Variants in CYFIP1 observed in about 807,000 individuals in gnomAD.
CYFIP1 encodes cytoplasmic FMR1-interacting protein 1.
A neutral mutation model predicts 163.5 loss-of-function variants in CYFIP1; 58 were observed. That is an observed-to-expected ratio of 0.35 (90% confidence interval 0.29 to 0.44). The LOEUF is 0.44. CYFIP1 is among the 20% of genes least tolerant of loss of function. CYFIP1 has a pLI of 1.00. For synonymous variants in CYFIP1, 663 were observed against 660.7 expected (o/e 1.00, Z -0.05); for missense variants, 1,338 against 1,653.8 (o/e 0.81, Z 3.31).
At position 22,917,339 on chromosome 15, in the gene CYFIP1, G is replaced by T; in HGVS notation, c.1674+449C>A. ...GTGTGAAAGTCGTGAGAAGCACCTC[G>T]GGGAGGCCTGAACACACCAGGAGAG... On this transcript the variant is annotated intron_variant, in intron 15 of 30. Transcript: ENST00000617928. The surrounding 1 kb of genome is among the most constrained non-coding windows in gnomAD (Gnocchi z 4.2). 1 of 1,284,398 alleles carries T rather than the reference G, an allele frequency of 7.8e-7. No homozygotes were observed. Among genetic ancestry groups the T allele is most frequent in the Non-Finnish European group, 9.9e-7 (1 of 1,012,040 alleles). 79.6% of individuals were successfully genotyped at this position (1,284,398 alleles called of 1,614,324 possible).
intron 4 of CYFIP1, 35 bp downstream of exon 4, chr15:22,944,827 G>T (rs746470594): frequency 6.2e-7 from 1 of 1,604,750 alleles, no homozygotes; most frequent in Non-Finnish European, 8.5e-7. Flanking sequence ...CTGGCAGGGT[G>T]TGGCTGGAGG....
chr15:22,967,141 G>T (rs1306590248), intron 1 of CYFIP1, among the ~76,000 whole-genome samples: 2 of 152,150 alleles, frequency 1.3e-5, no homozygotes, highest in African/African-American at 4.8e-5. Context: ...CTCTAGCATC[G>T]GTTGGGACAC....
chr15:22,882,732 T>C lies in CYFIP1; in HGVS notation c.2820+136A>G. 5.2e-6 allele frequency: 5 copies of C among 965,426 alleles called. 1 individual carries two copies. The South Asian group carries it at 6.5e-5, about 13-fold the overall frequency. The allele number at this position is 965,426 out of a possible 1,614,324, so 59.8% of individuals were successfully genotyped here. A position where few individuals can be genotyped will look rare whatever the true frequency, so the allele number is the denominator to read the frequency against. The stretch of plus-strand genomic sequence containing the variant: ...GATGAGGGAAGTATCAAACTATATA[T>C]GGTCAGAAATGTTTGAAGCCTAATT... On this transcript the variant is annotated intron_variant, in intron 24 of 30. Transcript: ENST00000617928.
intron 20 of CYFIP1, among the ~76,000 whole-genome samples, chr15:22,910,180 G>A (rs1486683857): frequency 1.3e-5 from 2 of 150,892 alleles, no homozygotes; most frequent in African/African-American, 2.4e-5. Context: ...TTTTTGAGAC[G>A]GAGTCTTGCT....
At position 22,944,667 on chromosome 15, in the gene CYFIP1, T is replaced by C; in HGVS notation, c.286-8A>G. On this transcript the variant is annotated splice_polypyrimidine_tract_variant and splice_region_variant and intron_variant, in intron 4 of 30. Coordinates refer to ENST00000617928, the MANE Select transcript of CYFIP1 (RefSeq NM_014608.6). ...CTGCTCGTTACATTTCACCTGGGAATAAAGGAACAAGGATGACATAAGAGG... is the reference window on the plus strand; with the variant it reads ...CTGCTCGTTACATTTCACCTGGGAACAAAGGAACAAGGATGACATAAGAGG... 3.1e-6 allele frequency: 5 copies of C among 1,610,748 alleles called. No individual in the cohort carries two copies. The highest frequency in any genetic ancestry group is 4.2e-6 in the Non-Finnish European group (5 of 1,176,896).
intron 26 of CYFIP1, among the ~76,000 whole-genome samples, chr15:22,876,241 A>G (rs1383379022): frequency 6.6e-6 from 1 of 152,078 alleles, no homozygotes; most frequent in Non-Finnish European, 1.5e-5. Flanking sequence ...TGGCAAAACT[A>G]AGACCAAGAG....
chr15:22,937,119 G>T lies in CYFIP1; in HGVS notation c.885C>A (p.Ile295=), dbSNP rs751040261. Residue 295 remains isoleucine, a synonymous_variant, in exon 9 of 31, where the codon ATC becomes ATA. Coordinates refer to ENST00000617928, the MANE Select transcript of CYFIP1 (RefSeq NM_014608.6). ...DAKKRINLSK[I]DKYFKQLQVV... ...TGTAACTCACCTTGAAGTACTTGTC[G>T]ATTTTGGATAAGTTTATTCTTTTCT... The T allele has an allele frequency of 1.9e-6, 3 of 1,605,984 alleles. No homozygotes were observed. The highest frequency in any genetic ancestry group is 2.6e-6 in the Non-Finnish European group (3 of 1,172,722).
At chr15:22,975,572 C>A (rs1209565522) in intron 1 of CYFIP1, among the ~76,000 whole-genome samples, 1 of 151,880 alleles carries the variant, frequency 6.6e-6, no homozygotes, top group Non-Finnish European at 1.5e-5. Context: ...ATCAGCCTGA[C>A]CAACACAGTG....
intron 18 of CYFIP1, among the ~76,000 whole-genome samples, chr15:22,911,321 T>C (rs765516535): frequency 3.9e-5 from 6 of 152,102 alleles, no homozygotes; most frequent in Non-Finnish European, 7.3e-5. Flanking sequence ...GAGAAAAATA[T>C]TCCTATTCTC....
chr15:22,946,078 G>A lies in CYFIP1; in HGVS notation c.207+925C>T, dbSNP rs900224122. On this transcript the variant is annotated intron_variant, in intron 3 of 30. Coordinates refer to ENST00000617928, the MANE Select transcript of CYFIP1 (RefSeq NM_014608.6). ...CAGTACTTTGGGAGGCTGGGCAGGCGGATTCCTTGAGTCCAGGAATTCAAG... is the reference window on the plus strand; with the variant it reads ...CAGTACTTTGGGAGGCTGGGCAGGCAGATTCCTTGAGTCCAGGAATTCAAG... Among the ~76,000 whole-genome samples, 6 of 151,790 alleles carry A rather than the reference G, an allele frequency of 4.0e-5. No homozygotes were observed. In the South Asian group the frequency reaches 6.2e-4, roughly 16 times the overall value.
intron 17 of CYFIP1, among the ~76,000 whole-genome samples, chr15:22,913,502 T>A (rs1276595391): frequency 9.7e-6 from 1 of 103,126 alleles, no homozygotes; most frequent in Admixed American, 1.6e-4. Context: ...CACTCCAGCC[T>A]GGGTAACAGA....
At chr15:22,880,506 G>A (rs79509762) in intron 25 of CYFIP1, among the ~76,000 whole-genome samples, 2,608 of 152,330 alleles carry the variant, frequency 0.017, 39 homozygotes, top group Non-Finnish European at 0.024. Context: ...GCCAGCTCCA[G>A]AGCAAGGCAG....
intron 13 of CYFIP1, among the ~76,000 whole-genome samples, chr15:22,922,483 T>C (rs1211346779): frequency 6.6e-6 from 1 of 152,194 alleles, no homozygotes; most frequent in Non-Finnish European, 1.5e-5. Context: ...TCCTGTGCCT[T>C]TTCCCTTTGC....
At chr15:22,912,038 G>C (rs1339733782) in intron 18 of CYFIP1, 141 bp downstream of exon 18, 1 of 702,274 alleles carries the variant, frequency 1.4e-6, no homozygotes, top group African/African-American at 1.8e-5. Context: ...ATCCACAGAG[G>C]AAGGGCTTGC....
Position 22,944,852 on chromosome 15 carries a change from A to C in CYFIP1, c.285+10T>G. On this transcript the variant is annotated intron_variant, in intron 4 of 30. Transcript: ENST00000617928. The stretch of plus-strand genomic sequence containing the variant: ...GTGGCTGGAGGGGAAGAGCCAGGCG[A>C]GCGTGGCACCTGTGGGATGGCCCGG... 1 of 1,612,696 alleles carries C rather than the reference A, an allele frequency of 6.2e-7. No homozygotes were observed.
intron 11 of CYFIP1, among the ~76,000 whole-genome samples, chr15:22,930,626 CATTTTT>C (rs2061509602): frequency 6.6e-6 from 1 of 151,892 alleles, no homozygotes; most frequent in African/African-American, 2.4e-5. Context: ...TTTGGGTCTT[CATTTTT>C]AACGAAAAAG....
At chr15:22,923,839 AG>A (rs2061267858) in intron 13 of CYFIP1, among the ~76,000 whole-genome samples, 1 of 143,516 alleles carries the variant, frequency 7.0e-6, no homozygotes, top group African/African-American at 2.6e-5. Context: ...GCTACTTGGG[AG>A]GCTGGGGAGG....
chr15:22,937,322 CACAAA>C, intron 8 of CYFIP1, 114 bp from the exon 9 acceptor site: 2 of 667,142 alleles, frequency 3.0e-6, no homozygotes, highest in Non-Finnish European at 5.4e-6. Context: ...TGAAATAGAT[CACAAA>C]GATCTATCTT....
chr15:22,873,827 T>C (rs1215522387), intron 28 of CYFIP1, 98 bp from the exon 29 acceptor site: 1 of 1,133,770 alleles, frequency 8.8e-7, no homozygotes. Flanking sequence ...GGTCTTGCTC[T>C]GCTGCCTAGG....
Sources: allele counts gnomAD v4.1 joint callset (sites outside exome capture counted in the v4.1 genomes callset), GRCh38; gene constraint gnomAD v4.1.1; non-coding constraint Gnocchi (gnomAD v3.1); transcripts MANE v1.5; gene names NCBI Gene and HGNC (gene_info 2026-07-23, HGNC 2026-07-21).